Variants in SGO1 observed in about 807,000 individuals in gnomAD.
The protein encoded by SGO1 is serologically defined breast cancer antigen NY-BR-85.
SGO1 carries 39 observed loss-of-function variants against 50.5 expected under a neutral mutation model. The observed-to-expected ratio is 0.77, with a 90% confidence interval of 0.60 to 1.01. SGO1 has a LOEUF of 1.01. SGO1 is among the 50% of genes least tolerant of loss of function. The probability of loss-of-function intolerance (pLI) is 0.00; values close to 1 mark genes in which losing one functional copy is unlikely to be tolerated. For missense variants in SGO1, 638 were observed against 606.0 expected (o/e 1.05, Z -0.55); for synonymous variants, 191 against 205.1 (o/e 0.93, Z 0.59).
At position 20,183,705 on chromosome 3, in the gene SGO1, A is replaced by G. The variant is rs201174493; in HGVS notation, c.242T>C (p.Ile81Thr). The change falls in exon 3 of 8, where the codon ATC becomes ACC. Residue 81 changes from isoleucine to threonine, a missense_variant. Transcript: ENST00000412997. ...ACATTCTTTTCTCAGCTGTAGGATG[A>G]TATCTTGGGCTTCTTTCACTTTGGA... is the stretch of plus-strand genomic sequence containing the variant. ...EKSKVKEAQD[I>T]ILQLRKECYY... 4.2e-5 allele frequency: 67 copies of G among 1,613,348 alleles called. No homozygotes were observed. In the African/African-American group the frequency reaches 6.0e-4, roughly 14 times the overall value.
chr3:20,178,464 G>A (rs1701643732), intron 3 of SGO1, 117 bp from the exon 4 acceptor site: 5 of 735,704 alleles, frequency 6.8e-6, no homozygotes. Context: ...CATGGTTCTA[G>A]GAACTGAGAC....
At chr3:20,162,611 C>T (rs763147002) in intron 8 of SGO1, among the ~76,000 whole-genome samples, 11 of 151,844 alleles carry the variant, frequency 7.2e-5, no homozygotes, top group Non-Finnish European at 1.0e-4. Context: ...GTATAATAAT[C>T]GACTAAAAGA....
At position 20,171,066 on chromosome 3, in the gene SGO1, G is replaced by C. The variant is rs1045757715; in HGVS notation, c.1449C>G (p.Asn483Lys). Reference protein sequence around the residue: ...LPKRRCTASVNYKEPTLASKL... With the variant: ...LPKRRCTASVKYKEPTLASKL... ...ACGAAGCGAGGGTGGGCTCCTTATA[G>C]TTCACGCTGGCTGTGCACCTACGTT... The change falls in exon 7 of 8, where the codon AAC becomes AAG. Residue 483 changes from asparagine to lysine, a missense_variant. Transcript: ENST00000412997. 1 of 1,598,198 alleles carries C rather than the reference G, an allele frequency of 6.3e-7. No homozygotes were observed. The highest frequency in any genetic ancestry group is 8.5e-7 in the Non-Finnish European group (1 of 1,175,998).
Position 20,174,558 on chromosome 3 carries a change from T to G in SGO1, c.973A>C (p.Met325Leu). Reference protein sequence around the residue: ...ENKKTVPQKKMHKSVSSNDAY... With the variant: ...ENKKTVPQKKLHKSVSSNDAY... ...TCATTGGAACTGACAGATTTGTGCA[T>G]TTTTTTTTGGGGAACAGTTTTTTTA... The change falls in exon 6 of 8, where the codon ATG becomes CTG. Residue 325 changes from methionine (M) to leucine (L), a missense_variant. By Grantham distance (15) the Met-to-Leu change is conservative (BLOSUM62 2). Coordinates refer to ENST00000412997, the MANE Select transcript of SGO1 (RefSeq NM_001199251.3). 1 of 1,578,360 alleles carries G rather than the reference T, an allele frequency of 6.3e-7. No homozygotes were observed. The highest frequency in any genetic ancestry group is 1.7e-4 in the Middle Eastern group (1 of 5,948).
At chr3:20,170,881 C>G (rs1700651793) in intron 7 of SGO1, 66 bp from the exon 8 acceptor site, 1 of 1,539,018 alleles carries the variant, frequency 6.5e-7, no homozygotes. Flanking sequence ...CTCTTCCCTA[C>G]CAAGTTATGG....
Position 20,170,153 on chromosome 3 carries a change from C to T in SGO1, c.*551G>A. The T allele has an allele frequency of 1.0e-6, 1 of 966,836 alleles. No individual in the cohort carries two copies. The highest frequency in any genetic ancestry group is 1.2e-6 in the Non-Finnish European group (1 of 813,066). 59.9% of individuals were successfully genotyped at this position (966,836 alleles called of 1,614,324 possible). A position where few individuals can be genotyped will look rare whatever the true frequency, so the allele number is the denominator to read the frequency against. On this transcript the variant is annotated 3_prime_UTR_variant, in exon 8 of 8. Coordinates refer to ENST00000412997, the MANE Select transcript of SGO1 (RefSeq NM_001199251.3). ...GCACAGTGGCTCAGTAATCCCAGCA[C>T]TTTGGGAGGCCGAGGTGGGCAGATC... is the stretch of plus-strand genomic sequence containing the variant.
chr3:20,171,399 T>C, intron 6 of SGO1, 167 bp from the exon 7 acceptor site: 1 of 490,032 alleles, frequency 2.0e-6, no homozygotes, highest in Non-Finnish European at 3.5e-6. Flanking sequence ...AGTGCAGTGG[T>C]GTGATCTCAG....
rs200451418 is a variant in SGO1 at position 20,184,048 on chromosome 3, A to T, written c.-7-14T>A. On this transcript the variant is annotated splice_polypyrimidine_tract_variant and intron_variant, in intron 1 of 7. Coordinates refer to ENST00000412997, the MANE Select transcript of SGO1 (RefSeq NM_001199251.3). Reference sequence around the variant, plus strand: ...GCCATCTTTTGCCTAAACAATAAAAAATATTTTTTCTCAGAGAGAATATTA... The same window carrying T: ...GCCATCTTTTGCCTAAACAATAAAATATATTTTTTCTCAGAGAGAATATTA... The T allele has an allele frequency of 1.4e-4, 220 of 1,546,476 alleles. 1 individual carries two copies. In the African/African-American group the frequency reaches 2.7e-3, roughly 19 times the overall value.
chr3:20,170,952 C>G, intron 7 of SGO1, 91 bp downstream of exon 7: 1 of 1,464,960 alleles, frequency 6.8e-7, no homozygotes, highest in Non-Finnish European at 9.1e-7. Flanking sequence ...GTTTATATTT[C>G]AGAAAAAACT....
chr3:20,183,211 G>C (rs900180413), intron 3 of SGO1, among the ~76,000 whole-genome samples: 4 of 152,090 alleles, frequency 2.6e-5, no homozygotes, highest in African/African-American at 9.7e-5. Context: ...AAAACAAAAG[G>C]CTAGGTAAAA....
At chr3:20,186,504 T>C (rs1702686209), upstream of SGO1, 1 of 152,280 alleles carries the variant, frequency 6.6e-6, no homozygotes, top group Non-Finnish European at 1.5e-5. Context: ...TTCTTCAGTC[T>C]GACAGCTTCA....
At chr3:20,181,539 C>T (rs189657218) in intron 3 of SGO1, among the ~76,000 whole-genome samples, 34 of 152,148 alleles carry the variant, frequency 2.2e-4, no homozygotes, top group Admixed American at 1.9e-3. Flanking sequence ...AATATATTTG[C>T]GTAGCAACTA....
At chr3:20,163,902 A>G (rs1315490333) in intron 8 of SGO1, among the ~76,000 whole-genome samples, 1 of 152,228 alleles carries the variant, frequency 6.6e-6, no homozygotes, top group African/African-American at 2.4e-5. Context: ...AAGAAACAGA[A>G]AACTTAAAAC....
At chr3:20,167,779 GTAAAGT>G (rs538380769), downstream of SGO1, among the ~76,000 whole-genome samples, 238 of 152,236 alleles carry the variant, frequency 1.6e-3, no homozygotes, top group African/African-American at 5.6e-3. Flanking sequence ...CTAACTAATA[GTAAAGT>G]TAAAGTTCAA....
rs371410180 is a variant in SGO1 at position 20,174,861 on chromosome 3, C to G, written c.670G>C (p.Glu224Gln). The change falls in exon 6 of 8, where the codon GAA becomes CAA. Residue 224 changes from glutamate (E) to glutamine (Q), a missense_variant. By Grantham distance (29) the Glu-to-Gln change is conservative (BLOSUM62 2). Transcript: ENST00000412997. ...SHLAGKSFEFERVGFLDPLVN... is the reference protein window; with the variant it reads ...SHLAGKSFEFQRVGFLDPLVN... ...AGTGGGTCTAAAAATCCAACTCTTT[C>G]GAATTCAAAAGACTTCCCTGCCAAA... The G allele has an allele frequency of 1.9e-6, 3 of 1,613,956 alleles. No homozygotes were observed. Among genetic ancestry groups the G allele is most frequent in the East Asian group, 2.2e-5 (1 of 44,838 alleles).
intron 1 of SGO1, among the ~76,000 whole-genome samples, chr3:20,185,021 T>G (rs531893768): frequency 1.9e-4 from 29 of 152,362 alleles, no homozygotes; most frequent in African/African-American, 6.3e-4. Flanking sequence ...AATATTTTCC[T>G]AAACCTTACA....
chr3:20,183,410 A>G (rs1222455317), intron 3 of SGO1, among the ~76,000 whole-genome samples, 198 bp downstream of exon 3: 1 of 152,258 alleles, frequency 6.6e-6, no homozygotes, highest in Non-Finnish European at 1.5e-5. Flanking sequence ...AGGCAGGAAC[A>G]GGCCTCAATC....
At chr3:20,167,799 A>C (rs376523534), downstream of SGO1, among the ~76,000 whole-genome samples, 43 of 152,154 alleles carry the variant, frequency 2.8e-4, no homozygotes, top group African/African-American at 1.0e-3. Flanking sequence ...AGTTCAATAT[A>C]CTCTACAACC....
intron 3 of SGO1, among the ~76,000 whole-genome samples, chr3:20,181,582 G>A (rs1702023279): frequency 6.6e-6 from 1 of 152,084 alleles, no homozygotes. Context: ...AAAAACTATT[G>A]AGCTGCAGTA....
Sources: allele counts gnomAD v4.1 joint callset (sites outside exome capture counted in the v4.1 genomes callset), GRCh38; gene constraint gnomAD v4.1.1; transcripts MANE v1.5; gene names NCBI Gene and HGNC (gene_info 2026-07-23, HGNC 2026-07-21).